Variants in NME7 observed in about 807,000 individuals in gnomAD.
NME7 encodes NME/NM23 family member 7, also known as nucleoside diphosphate kinase 7.
A neutral mutation model predicts 49.1 loss-of-function variants in NME7; 41 were observed. The observed-to-expected ratio is 0.83, with a 90% confidence interval of 0.65 to 1.08. The LOEUF (loss-of-function observed/expected upper bound fraction) is 1.08, where lower values mean the gene tolerates loss of function less well. Among genes scored for constraint, NME7 ranks in the 50% least tolerant of loss-of-function variants. NME7 has a pLI of 0.00. For synonymous variants in NME7, 139 were observed against 150.6 expected (o/e 0.92, Z 0.56); for missense variants, 423 against 463.4 (o/e 0.91, Z 0.80).
chr1:169,356,762 A>C (rs1653481616), intron 1 of NME7, among the ~76,000 whole-genome samples: 1 of 152,150 alleles, frequency 6.6e-6, no homozygotes, highest in Admixed American at 6.6e-5. Context: ...AATGAACCAC[A>C]ATGACGGAGT....
Position 169,324,428 on chromosome 1 carries a change from G to A in NME7, c.76C>T (p.Leu26Phe), listed in dbSNP as rs1651975237. ...GATCCATCCCCTGGGTAAAATAAAA[G>A]CTCATAACGTCGAAGAAGTGAAGCA... is the stretch of plus-strand genomic sequence containing the variant. ...PNASLLRRYELLFYPGDGSVE... is the reference protein window; with the variant it reads ...PNASLLRRYEFLFYPGDGSVE... Residue 26 changes from leucine (L) to phenylalanine (F), a missense_variant, in exon 2 of 12, where the codon CTT (leucine) becomes TTT (phenylalanine). Leu to Phe is a conservative substitution (Grantham distance 22, BLOSUM62 0). Coordinates refer to ENST00000367811, the MANE Select transcript of NME7 (RefSeq NM_013330.5). 1 of 1,613,150 alleles carries A rather than the reference G, an allele frequency of 6.2e-7. No individual in the cohort carries two copies. Among genetic ancestry groups the A allele is most frequent in the South Asian group, 1.1e-5 (1 of 91,042 alleles).
At chr1:169,335,839 C>T (rs1228942660) in intron 1 of NME7, among the ~76,000 whole-genome samples, 1 of 149,720 alleles carries the variant, frequency 6.7e-6, no homozygotes. Flanking sequence ...ATCTAAGAAC[C>T]TGCTCCCTCA....
In NME7 at chr1:169,348,423, T is replaced by C. The variant is rs192850738; in HGVS notation, c.3+19285A>G. Among the ~76,000 whole-genome samples, 367 of 150,974 alleles carry C rather than the reference T, an allele frequency of 2.4e-3. 2 individuals are homozygous for C. The highest frequency in any genetic ancestry group is 7.7e-3 in the African/African-American group (318 of 41,262). On this transcript the variant is annotated intron_variant, in intron 1 of 11. Coordinates refer to ENST00000367811, the MANE Select transcript of NME7 (RefSeq NM_013330.5). ...ATCCCAAAGATGACCATTTGTTTCA[T>C]CATTTAGGCTAAAGTTTTCTAATTT...
At chr1:169,324,182 C>CA (rs1159569576) in intron 2 of NME7, among the ~76,000 whole-genome samples, 4 of 151,814 alleles carry the variant, frequency 2.6e-5, no homozygotes, top group African/African-American at 7.3e-5. Flanking sequence ...ACAACAACAA[C>CA]AAAAAATTCC....
chr1:169,219,476 G>A (rs140090766), intron 10 of NME7, among the ~76,000 whole-genome samples: 23 of 152,188 alleles, frequency 1.5e-4, no homozygotes, highest in African/African-American at 2.2e-4. Context: ...GTGTCTGAGG[G>A]GGTACTGGAA....
intron 9 of NME7, among the ~76,000 whole-genome samples, chr1:169,233,674 C>T (rs1263680338): frequency 1.3e-5 from 2 of 152,094 alleles, no homozygotes; most frequent in Non-Finnish European, 2.9e-5. Context: ...CATTAGAGTT[C>T]CTGAGTGTAT....
intron 6 of NME7, 81 bp downstream of exon 6, chr1:169,298,475 C>G: frequency 7.2e-7 from 1 of 1,392,496 alleles, no homozygotes; most frequent in Admixed American, 2.0e-5. Context: ...CCCTAAGTCA[C>G]CAGTGATAGA....
intron 3 of NME7, among the ~76,000 whole-genome samples, chr1:169,322,659 C>A (rs1558038507): frequency 6.7e-6 from 1 of 148,330 alleles, no homozygotes; most frequent in Non-Finnish European, 1.5e-5. Flanking sequence ...ATCCGTTGGT[C>A]AACATCTATT....
intron 10 of NME7, among the ~76,000 whole-genome samples, chr1:169,170,249 T>A (rs1324468703): frequency 6.6e-6 from 1 of 152,114 alleles, no homozygotes; most frequent in African/African-American, 2.4e-5. Context: ...TAACCATGGA[T>A]AAGGTTAGTC....
chr1:169,220,475 T>C (rs1218726621), intron 10 of NME7, among the ~76,000 whole-genome samples: 1 of 152,180 alleles, frequency 6.6e-6, no homozygotes, highest in Non-Finnish European at 1.5e-5. Flanking sequence ...TTGGGAACGG[T>C]GTTGGTCATC....
intron 6 of NME7, among the ~76,000 whole-genome samples, chr1:169,290,995 A>C (rs1474886982): frequency 6.6e-6 from 1 of 152,228 alleles, no homozygotes; most frequent in Non-Finnish European, 1.5e-5. Context: ...ATGATCATTA[A>C]AAAATCAGGA....
At chr1:169,153,015 C>A (rs901526159) in intron 11 of NME7, among the ~76,000 whole-genome samples, 2 of 151,874 alleles carry the variant, frequency 1.3e-5, no homozygotes, top group Non-Finnish European at 2.9e-5. Flanking sequence ...AAAACTGGCA[C>A]TTGAATTGAA....
chr1:169,179,386 G>C (rs1659860931), intron 10 of NME7, among the ~76,000 whole-genome samples: 1 of 152,290 alleles, frequency 6.6e-6, no homozygotes, highest in African/African-American at 2.4e-5. Flanking sequence ...CAACCATTGT[G>C]GAAGACAGTG....
chr1:169,328,204 G>A (rs1652134094), intron 1 of NME7, among the ~76,000 whole-genome samples: 2 of 152,130 alleles, frequency 1.3e-5, no homozygotes, highest in South Asian at 4.1e-4. Context: ...TTTTGGAGGG[G>A]GGGATTATGG....
chr1:169,268,026 G>T lies in NME7; in HGVS notation c.754+19277C>A, dbSNP rs1222241164. On this transcript the variant is annotated intron_variant, in intron 7 of 11. Transcript: ENST00000367811. ...ACCTACAGAATGAGAGAAAATATTT[G>T]CTAACTATACGTCTGACAGAGGTCT... Among the ~76,000 whole-genome samples, 2 of 133,434 alleles carry T rather than the reference G, an allele frequency of 1.5e-5. 1 individual carries two copies. The highest frequency in any genetic ancestry group is 3.5e-5 in the Non-Finnish European group (2 of 56,798). The allele number at this position is 133,434 out of a possible 152,430, so 87.5% of individuals were successfully genotyped here.
chr1:169,247,115 G>C (rs1178138243), intron 7 of NME7: 2 of 455,090 alleles, frequency 4.4e-6, no homozygotes, highest in Middle Eastern at 3.2e-4. Flanking sequence ...GCTATACCTT[G>C]GTTGAAATAA....
intron 10 of NME7, among the ~76,000 whole-genome samples, chr1:169,210,790 G>C (rs575874856): frequency 6.6e-6 from 1 of 152,142 alleles, no homozygotes; most frequent in Non-Finnish European, 1.5e-5. Flanking sequence ...AATACCTCTA[G>C]AGAATCACAC....
At chr1:169,149,557 T>A (rs566125529) in intron 11 of NME7, among the ~76,000 whole-genome samples, 2 of 152,294 alleles carry the variant, frequency 1.3e-5, no homozygotes, top group East Asian at 3.9e-4. Flanking sequence ...AACATACCTA[T>A]GATAAAGTTG....
At chr1:169,262,181 A>G (rs1408688462) in intron 7 of NME7, among the ~76,000 whole-genome samples, 3 of 133,822 alleles carry the variant, frequency 2.2e-5, no homozygotes, top group African/African-American at 7.6e-5. Flanking sequence ...CCATCCGGTA[A>G]AGAAGCTCAG....
Sources: allele counts gnomAD v4.1 joint callset (sites outside exome capture counted in the v4.1 genomes callset), GRCh38; gene constraint gnomAD v4.1.1; transcripts MANE v1.5; gene names NCBI Gene and HGNC (gene_info 2026-07-23, HGNC 2026-07-21).